The following CPLANE1 variants were observed in gnomAD, a reference collection of about 807,000 sequenced individuals.
CPLANE1 encodes the protein ciliogenesis and planar polarity effector complex subunit 1, also known as ciliogenesis and planar polarity effector 1.
CPLANE1 carries 263 observed loss-of-function variants against 362.5 expected under a neutral mutation model. That is an observed-to-expected ratio of 0.73 (90% confidence interval 0.66 to 0.80). The LOEUF (loss-of-function observed/expected upper bound fraction) is 0.80. Ranked by LOEUF, CPLANE1 falls within the 30% of genes least tolerant of loss-of-function variation. The pLI, the probability that CPLANE1 is intolerant of heterozygous loss-of-function variation, is 0.00. For synonymous variants in CPLANE1, 1,212 were observed against 1,302.6 expected, an observed-to-expected ratio of 0.93 and a Z score of 1.50; for missense variants, 3,461 against 3,793.4, an observed-to-expected ratio of 0.91 and a Z score of 2.30.
chr5:37,228,968 A>G (rs1461273923), intron 9 of CPLANE1, among the ~76,000 whole-genome samples: 1 of 152,164 alleles, frequency 6.6e-6, no homozygotes, highest in Middle Eastern at 3.2e-3. Flanking sequence ...ATTGCTAAAA[A>G]TTGTCATTTT....
intron 15 of CPLANE1, among the ~76,000 whole-genome samples, chr5:37,216,537 A>T (rs1266924473): frequency 6.6e-6 from 1 of 152,166 alleles, no homozygotes; most frequent in East Asian, 1.9e-4. Flanking sequence ...TGACAGAGTG[A>T]GGCCCTATCT....
intron 46 of CPLANE1, among the ~76,000 whole-genome samples, chr5:37,136,207 G>A (rs1431142579): frequency 6.6e-6 from 1 of 152,164 alleles, no homozygotes; most frequent in Non-Finnish European, 1.5e-5. Context: ...GGAGGTACAG[G>A]CATTGGGTAA....
In CPLANE1 at chr5:37,224,746, C is replaced by A. The variant is rs1183121856; in HGVS notation, c.2292-6G>T. On this transcript the variant is annotated splice_region_variant and splice_polypyrimidine_tract_variant and intron_variant, in intron 12 of 52. Coordinates refer to ENST00000651892, the MANE Select transcript of CPLANE1 (RefSeq NM_001384732.1). ...TTCTCCAGAGAATAAGCAATCTGCA[C>A]ATAAAATCAGGTAATTATCAAAAGC... The A allele has an allele frequency of 6.5e-7, 1 of 1,537,724 alleles. No homozygotes were observed.
At position 37,227,101 on chromosome 5, in the gene CPLANE1, CTTAATACCAT is replaced by C. The variant is rs778018672; in HGVS notation, c.1522-38_1522-29del. 1.6e-4 allele frequency: 244 copies of C among 1,523,296 alleles called. 3 individuals carry two copies. In the Middle Eastern group the frequency reaches 6.7e-3, roughly 42 times the overall value. 94.4% of individuals were successfully genotyped at this position (1,523,296 alleles called of 1,614,324 possible). On this transcript the variant is annotated intron_variant, in intron 11 of 52. Coordinates refer to ENST00000651892, the MANE Select transcript of CPLANE1 (RefSeq NM_001384732.1). Reference sequence around the variant, plus strand: ...AAAACATGAGGGGAAAAAAATGATACTTAATACCATTTAATACCTTATCAATAGCATCACT... The same window carrying C: ...AAAACATGAGGGGAAAAAAATGATACTTAATACCTTATCAATAGCATCACT...
At chr5:37,191,983 C>T (rs13184464) in intron 21 of CPLANE1, among the ~76,000 whole-genome samples, 27,258 of 151,838 alleles carry the variant, frequency 0.18, 2,877 homozygotes, top group East Asian at 0.34. Context: ...TAGAAATGTC[C>T]GAGGCCTTCA....
intron 46 of CPLANE1, among the ~76,000 whole-genome samples, chr5:37,132,386 C>T (rs1480087543): frequency 7.0e-6 from 1 of 143,306 alleles, no homozygotes; most frequent in Non-Finnish European, 1.5e-5. Context: ...GCTCTGTCGC[C>T]CAGGCTGGAG....
intron 48 of CPLANE1, 37 bp downstream of exon 48, chr5:37,122,393 T>G (rs1561318026): frequency 6.4e-7 from 1 of 1,551,502 alleles, no homozygotes; most frequent in South Asian, 1.1e-5. Flanking sequence ...CTAAGGAAGT[T>G]AGAGAGAAAA....
At chr5:37,088,787 G>T in the CPLANE1 span, among the ~76,000 whole-genome samples, 2 of 152,156 alleles carry the variant, frequency 1.3e-5, no homozygotes, top group African/African-American at 4.8e-5. Flanking sequence ...CCCTAAAAGG[G>T]TTGCAACCGG....
chr5:37,123,212 A>C (rs1387270975), intron 47 of CPLANE1, among the ~76,000 whole-genome samples: 2 of 152,260 alleles, frequency 1.3e-5, no homozygotes, highest in East Asian at 3.8e-4. Context: ...GAAGGCAAAC[A>C]ACAAATGTCA....
At chr5:37,109,326 C>G (rs1477970761) in intron 51 of CPLANE1, among the ~76,000 whole-genome samples, 2 of 152,220 alleles carry the variant, frequency 1.3e-5, no homozygotes, top group Admixed American at 6.5e-5. Context: ...AAAATAATCA[C>G]AGCACACACT....
At chr5:37,147,493 C>T (rs1189636108) in intron 43 of CPLANE1, among the ~76,000 whole-genome samples, 2 of 151,828 alleles carry the variant, frequency 1.3e-5, no homozygotes, top group Non-Finnish European at 2.9e-5. Context: ...TAGGTCCATG[C>T]AGAAACATAT....
intron 46 of CPLANE1, among the ~76,000 whole-genome samples, chr5:37,125,750 T>TA (rs1355330000): frequency 6.6e-6 from 1 of 152,238 alleles, no homozygotes; most frequent in Non-Finnish European, 1.5e-5. Flanking sequence ...TTAATTATCT[T>TA]AAAGGTTCTC....
In CPLANE1 at chr5:37,183,196, T is replaced by C. The variant is rs1561525447; in HGVS notation, c.4985A>G (p.Gln1662Arg). The change falls in exon 26 of 53, where the codon CAA (glutamine) becomes CGA (arginine). Residue 1662 changes from glutamine (Q) to arginine (R), a missense_variant. Gln to Arg is a conservative substitution (Grantham distance 43). Transcript: ENST00000651892. ...LVNQGIKPFL[Q>R]YPSNEVNKNE... ...CTTATTGACTTCATTCGAAGGATAT[T>C]GTAAAAAAGGTTTGATCCCTTGATT... 6.2e-7 allele frequency: 1 copy of C among 1,611,044 alleles called. No homozygotes were observed. The highest frequency in any genetic ancestry group is 1.7e-5 in the Admixed American group (1 of 59,480).
At chr5:37,175,768 T>C in intron 31 of CPLANE1, 141 bp downstream of exon 31, 1 of 620,422 alleles carries the variant, frequency 1.6e-6, no homozygotes. Flanking sequence ...GCTCTTTCAA[T>C]GTTTTATGTT....
chr5:37,183,480 A>C lies in CPLANE1; in HGVS notation c.4701T>G (p.Pro1567=), dbSNP rs1783205101. Residue 1567 remains proline (P), a synonymous_variant, in exon 26 of 53, where the codon CCT becomes CCG. Coordinates refer to ENST00000651892, the MANE Select transcript of CPLANE1 (RefSeq NM_001384732.1). ...ATGGAATGTCAGCATCCCTGGAATA[A>C]GGTAGGTCTCTTTCAAGAATGTAAC... ...FLSYILERDL[P]YSRDADIPFL... is the part of the protein sequence containing the mutation. 6.2e-7 allele frequency: 1 copy of C among 1,613,340 alleles called. No individual in the cohort carries two copies. The highest frequency in any genetic ancestry group is 8.5e-7 in the Non-Finnish European group (1 of 1,179,360).
At chr5:37,075,822 C>T in the CPLANE1 span, among the ~76,000 whole-genome samples, 4 of 152,170 alleles carry the variant, frequency 2.6e-5, no homozygotes, top group Non-Finnish European at 5.9e-5. Context: ...AAGGCAGATA[C>T]TTACTTATCT....
intron 51 of CPLANE1, among the ~76,000 whole-genome samples, chr5:37,110,290 C>T (rs1358149895): frequency 1.3e-5 from 2 of 152,142 alleles, no homozygotes; most frequent in African/African-American, 4.8e-5. Flanking sequence ...GTCATACCAA[C>T]TTTGTTTCTG....
chr5:37,223,953 A>G (rs938782013), intron 14 of CPLANE1, among the ~76,000 whole-genome samples: 4 of 152,224 alleles, frequency 2.6e-5, no homozygotes, highest in African/African-American at 9.6e-5. Flanking sequence ...AAAGGACAGA[A>G]GGAGACTTAT....
At position 37,224,608 on chromosome 5, in the gene CPLANE1, CAG is replaced by C. The variant is rs1242532564; in HGVS notation, c.2422_2423del (p.Leu808ValfsTer7). 3 of 1,551,440 alleles carry C rather than the reference CAG, an allele frequency of 1.9e-6. No homozygotes were observed. Among genetic ancestry groups the C allele is most frequent in the Admixed American group, 2.0e-5 (1 of 51,004 alleles). ...MTHEASTVKS[L>X]LCHLQANLQS... Reference sequence around the variant, plus strand: ...GTAGGTTAGCCTGCAAATGACATAACAGGGACTTGACAGTAGATGCTTCATGT... The same window carrying C: ...GTAGGTTAGCCTGCAAATGACATAACGGACTTGACAGTAGATGCTTCATGT... On this transcript the variant is annotated frameshift_variant, in exon 13 of 53. Transcript: ENST00000651892.
Sources: allele counts gnomAD v4.1 joint callset (sites outside exome capture counted in the v4.1 genomes callset), GRCh38; gene constraint gnomAD v4.1.1; transcripts MANE v1.5; gene names NCBI Gene and HGNC (gene_info 2026-07-23, HGNC 2026-07-21).